The following CNTN5 variants were observed in gnomAD, a reference collection of about 807,000 sequenced individuals.
CNTN5 encodes contactin 5, also known as contactin-5.
Under a neutral mutation model 129.1 loss-of-function variants are expected in CNTN5, and 77 were observed. The observed-to-expected ratio is 0.60, with a 90% CI of 0.50 to 0.72. CNTN5 has a LOEUF of 0.72. CNTN5 is among the 30% of genes least tolerant of loss of function. The pLI is 0.00. For missense variants in CNTN5, 1,478 were observed against 1,328.8 expected (o/e 1.11, Z -1.75); for synonymous variants, 509 against 465.6 (o/e 1.09, Z -1.20).
chr11:99,080,514 C>A (rs1027439378), intron 1 of CNTN5, among the ~76,000 whole-genome samples: 3 of 152,160 alleles, frequency 2.0e-5, no homozygotes, highest in African/African-American at 7.2e-5. Context: ...GCTACAAACA[C>A]CATCCTATCA....
chr11:99,381,430 A>G (rs1940554159), intron 2 of CNTN5, among the ~76,000 whole-genome samples: 1 of 152,194 alleles, frequency 6.6e-6, no homozygotes, highest in South Asian at 2.1e-4. Context: ...TTAGGATGTA[A>G]TAGTATTTTA....
At chr11:99,296,719 G>T (rs1864406241) in intron 1 of CNTN5, among the ~76,000 whole-genome samples, 1 of 152,124 alleles carries the variant, frequency 6.6e-6, no homozygotes. Flanking sequence ...GGGAGTCCAG[G>T]CTATTAGAGC....
At chr11:99,202,869 T>G (rs966165148) in intron 1 of CNTN5, among the ~76,000 whole-genome samples, 4 of 151,904 alleles carry the variant, frequency 2.6e-5, no homozygotes, top group Admixed American at 2.0e-4. Context: ...ACTGCCCATA[T>G]GTTTGAAAAT....
chr11:99,990,499 G>A (rs1349358070), intron 8 of CNTN5, among the ~76,000 whole-genome samples: 1 of 137,986 alleles, frequency 7.2e-6, no homozygotes, highest in African/African-American at 2.8e-5. Flanking sequence ...TACTAGTGAT[G>A]AAAAACATTT....
At chr11:99,264,036 G>A (rs7944167) in intron 1 of CNTN5, among the ~76,000 whole-genome samples, 26,443 of 151,576 alleles carry the variant, frequency 0.17, 2,310 homozygotes, top group Middle Eastern at 0.25. Context: ...AGACCCTTGC[G>A]ATTGAGAATG....
intron 1 of CNTN5, among the ~76,000 whole-genome samples, chr11:99,076,477 C>T (rs544007737): frequency 1.8e-4 from 28 of 152,116 alleles, no homozygotes; most frequent in South Asian, 1.5e-3. Context: ...CACACACACA[C>T]AATTTAACCT....
intron 21 of CNTN5, 26 bp downstream of exon 21, chr11:100,308,494 G>T: frequency 6.3e-7 from 1 of 1,594,994 alleles, no homozygotes. Flanking sequence ...TTGAAAATAA[G>T]CCTTATTGTT....
intron 3 of CNTN5, among the ~76,000 whole-genome samples, chr11:99,744,907 T>C (rs556215788): frequency 6.6e-6 from 1 of 152,256 alleles, no homozygotes; most frequent in South Asian, 2.1e-4. Context: ...AAGACCTAAA[T>C]TCCAAAACTG....
chr11:99,081,488 G>A (rs1045777543), intron 1 of CNTN5, among the ~76,000 whole-genome samples: 3 of 151,934 alleles, frequency 2.0e-5, no homozygotes, highest in Non-Finnish European at 4.4e-5. Context: ...CTGTAACTTA[G>A]GAGAAAAAAT....
chr11:100,069,309 C>T (rs900478165), intron 10 of CNTN5, among the ~76,000 whole-genome samples: 11 of 151,932 alleles, frequency 7.2e-5, no homozygotes, highest in Admixed American at 2.6e-4. Flanking sequence ...TGTGCCACCA[C>T]ACCTGAATAA....
chr11:99,443,457 T>A (rs1943924308), intron 2 of CNTN5, among the ~76,000 whole-genome samples: 1 of 152,232 alleles, frequency 6.6e-6, no homozygotes, highest in Non-Finnish European at 1.5e-5. Flanking sequence ...CATGGTGTTT[T>A]GACAAAACGT....
intron 6 of CNTN5, among the ~76,000 whole-genome samples, chr11:99,860,284 T>G (rs941689497): frequency 6.6e-6 from 1 of 152,170 alleles, no homozygotes; most frequent in Non-Finnish European, 1.5e-5. Context: ...CAGTTTCTTT[T>G]TTTTTGTTGA....
chr11:99,510,986 A>G (rs1946813238), intron 2 of CNTN5, among the ~76,000 whole-genome samples: 1 of 152,190 alleles, frequency 6.6e-6, no homozygotes, highest in Admixed American at 6.6e-5. Context: ...TAAAGGGGCA[A>G]GACAGTGATA....
At chr11:99,555,796 A>G (rs1948645212) in intron 2 of CNTN5, among the ~76,000 whole-genome samples, 1 of 151,808 alleles carries the variant, frequency 6.6e-6, no homozygotes. Flanking sequence ...TCTCTACCCT[A>G]TTTTTCTAGT....
chr11:100,288,048 G>T (rs1294614504), intron 18 of CNTN5, among the ~76,000 whole-genome samples: 1 of 151,984 alleles, frequency 6.6e-6, no homozygotes, highest in African/African-American at 2.4e-5. Flanking sequence ...AATTCAACAA[G>T]AAGAGCTAAC....
At chr11:99,985,196 C>T (rs938021292) in intron 8 of CNTN5, among the ~76,000 whole-genome samples, 3 of 152,130 alleles carry the variant, frequency 2.0e-5, no homozygotes, top group African/African-American at 7.2e-5. Flanking sequence ...GGTCCCTGTA[C>T]TCGGTGGTTC....
At position 100,036,578 on chromosome 11, in the gene CNTN5, T is replaced by C. The variant is rs1337211644; in HGVS notation, c.981-24634T>C. On this transcript the variant is annotated intron_variant, in intron 9 of 24. Transcript: ENST00000524871. ...TTGGGCAGTATGGCCATTTTCATGATATTGATTCTTCCTACCCATGAGCAA... is the reference window on the plus strand; with the variant it reads ...TTGGGCAGTATGGCCATTTTCATGACATTGATTCTTCCTACCCATGAGCAA... 1.3e-4 allele frequency among the ~76,000 whole-genome samples: 19 copies of C among 146,758 alleles called. No individual in the cohort carries two copies. The Admixed American group carries it at 1.3e-3, about 10-fold the overall frequency.
At chr11:99,209,156 T>C (rs1029965710) in intron 1 of CNTN5, among the ~76,000 whole-genome samples, 1 of 149,892 alleles carries the variant, frequency 6.7e-6, no homozygotes, top group African/African-American at 2.4e-5. Flanking sequence ...CCATCTAGGA[T>C]TTAATAAGAG....
chr11:99,865,710 A>G (rs756680889), intron 6 of CNTN5, among the ~76,000 whole-genome samples: 35 of 152,162 alleles, frequency 2.3e-4, no homozygotes, highest in Non-Finnish European at 5.0e-4. Flanking sequence ...AGTATAAACT[A>G]AAAAGTGTTA....
Sources: allele counts gnomAD v4.1 joint callset (sites outside exome capture counted in the v4.1 genomes callset), GRCh38; gene constraint gnomAD v4.1.1; transcripts MANE v1.5; gene names NCBI Gene and HGNC (gene_info 2026-07-23, HGNC 2026-07-21).